SVIL: variants seen among roughly 807,000 people sequenced by gnomAD.
The protein encoded by SVIL is archvillin.
In SVIL, 101 loss-of-function variants were observed where a neutral mutation model predicts 240.4. The observed-to-expected ratio is 0.42, with a 90% CI of 0.36 to 0.50. SVIL has a LOEUF of 0.50. SVIL is among the 20% of genes least tolerant of loss of function. The probability of loss-of-function intolerance (pLI) is 0.01; values close to 1 mark genes in which losing one functional copy is unlikely to be tolerated. For synonymous variants in SVIL, 999 were observed against 1,100.0 expected (o/e 0.91, Z 1.82); for missense variants, 2,512 against 2,818.7 (o/e 0.89, Z 2.46).
chr10:29,651,939 A>C (rs931769176), intron 3 of SVIL, among the ~76,000 whole-genome samples: 22 of 152,060 alleles, frequency 1.4e-4, no homozygotes, highest in African/African-American at 5.1e-4. Context: ...TTAATTCCTC[A>C]CTTGTCCTCA....
At chr10:29,482,311 G>A (rs1946975157) in intron 27 of SVIL, among the ~76,000 whole-genome samples, 1 of 152,142 alleles carries the variant, frequency 6.6e-6, no homozygotes, top group Admixed American at 6.5e-5. Context: ...TGGGACTACA[G>A]GTGTGGGCCA....
At chr10:29,474,108 G>T in intron 29 of SVIL, 119 bp from the exon 30 acceptor site, 1 of 1,379,914 alleles carries the variant, frequency 7.2e-7, no homozygotes, top group South Asian at 1.4e-5. Context: ...TCGGACCTAG[G>T]GCAGGGGAGA....
rs7078977 is a variant in SVIL, at chr10:29,494,904, C to T, written c.3841+10G>A. 9,423 of 1,609,102 alleles carry T rather than the reference C, an allele frequency of 5.9e-3. 406 individuals carry two copies. The African/African-American group carries it at 0.11, about 19-fold the overall frequency. ...TCTGAGAGCAAAGCCTTCTGGCTTC[C>T]AGTAGGTACCTTTGTTATTCAGCCT... On this transcript the variant is annotated intron_variant, in intron 20 of 37. Transcript: ENST00000355867.
At chr10:29,566,978 T>C (rs1955025526) in intron 2 of SVIL, among the ~76,000 whole-genome samples, 1 of 152,246 alleles carries the variant, frequency 6.6e-6, no homozygotes, top group Admixed American at 6.5e-5. Flanking sequence ...TCTCCATAGA[T>C]ACTAAAGTTA....
chr10:29,589,712 G>A (rs1347741101), intron 1 of SVIL, among the ~76,000 whole-genome samples: 2 of 152,120 alleles, frequency 1.3e-5, no homozygotes, highest in Non-Finnish European at 2.9e-5. Flanking sequence ...TGGAACAGGG[G>A]GTCTGGAGTT....
At chr10:29,666,615 C>T (rs1351537857) in intron 2 of SVIL, among the ~76,000 whole-genome samples, 1 of 152,056 alleles carries the variant, frequency 6.6e-6, no homozygotes, top group Admixed American at 6.6e-5. Context: ...TTTACTACAC[C>T]CAAGAGAAAC....
chr10:29,581,107 T>C (rs61846650), intron 1 of SVIL, among the ~76,000 whole-genome samples: 15,983 of 152,302 alleles, frequency 0.1, 881 homozygotes, highest in Admixed American at 0.14. Flanking sequence ...TGATGATGGC[T>C]GGAGTGAAAT....
intron 33 of SVIL, among the ~76,000 whole-genome samples, chr10:29,466,263 A>G: frequency 6.6e-6 from 1 of 151,908 alleles, no homozygotes; most frequent in Non-Finnish European, 1.5e-5. Context: ...ATATACATAT[A>G]TTGTATTTTA....
At chr10:29,486,667 T>C in intron 24 of SVIL, 110 bp from the exon 25 acceptor site, 1 of 1,280,442 alleles carries the variant, frequency 7.8e-7, no homozygotes, top group South Asian at 1.4e-5. Flanking sequence ...GAAAGCCTTG[T>C]GACCACGGGT....
rs767008724 is a variant in SVIL at position 29,523,992 on chromosome 10, G to A, written c.2622C>T (p.Ala874=). 14 of 1,613,696 alleles carry A rather than the reference G, an allele frequency of 8.7e-6. No homozygotes were observed. The highest frequency in any genetic ancestry group is 5.3e-5 in the African/African-American group (4 of 74,892). ...QSGKLIPFSP[A]VNTSVSTVAS... ...CTACGGTAGACACTGATGTGTTCAC[G>A]GCAGGTGAGAAAGGAATGAGCTTTC... is the stretch of plus-strand genomic sequence containing the variant. Residue 874 remains alanine (A), a synonymous_variant, in exon 15 of 38, where the codon GCC becomes GCT. Coordinates refer to ENST00000355867, the MANE Select transcript of SVIL (RefSeq NM_021738.3).
At chr10:29,641,009 G>A (rs1448397930) in intron 3 of SVIL, among the ~76,000 whole-genome samples, 8 of 152,176 alleles carry the variant, frequency 5.3e-5, no homozygotes, top group Non-Finnish European at 4.4e-5. Context: ...ACCCATGGAA[G>A]CCCACATGGC....
intron 28 of SVIL, among the ~76,000 whole-genome samples, chr10:29,481,351 G>A (rs367966421): frequency 1.1e-4 from 16 of 152,036 alleles, no homozygotes; most frequent in African/African-American, 3.9e-4. Flanking sequence ...AAGTGACAGA[G>A]AGGAGGAATG....
intron 1 of SVIL, among the ~76,000 whole-genome samples, chr10:29,697,621 G>T (rs28576837): frequency 0.012 from 1,531 of 124,100 alleles, 313 homozygotes; most frequent in African/African-American, 0.052. Context: ...GAAGGCAGCA[G>T]GCTCCTTAAG....
At chr10:29,513,330 G>A (rs1375809976) in intron 16 of SVIL, among the ~76,000 whole-genome samples, 2 of 152,236 alleles carry the variant, frequency 1.3e-5, no homozygotes, top group African/African-American at 2.4e-5. Context: ...TAGCACTTTG[G>A]GAAGCTGAGG....
intron 14 of SVIL, 36 bp downstream of exon 14, chr10:29,524,436 C>A (rs1358477869): frequency 1.9e-6 from 3 of 1,610,416 alleles, no homozygotes; most frequent in African/African-American, 2.7e-5. Context: ...TAAGAACACA[C>A]ACACACAAAC....
chr10:29,471,051 CAG>C lies in SVIL; in HGVS notation c.5635+85_5635+86del, dbSNP rs1945519058. 1.2e-5 allele frequency: 15 copies of C among 1,239,154 alleles called. No individual in the cohort carries two copies. In the South Asian group the frequency reaches 1.8e-4, roughly 15 times the overall value. 76.8% of individuals were successfully genotyped at this position (1,239,154 alleles called of 1,614,324 possible). The stretch of plus-strand genomic sequence containing the variant: ...AGGTCGAGCCACAGCTAGATGAAGA[CAG>C]ACTCACTTTCAGCCCCCAGCTTATA... On this transcript the variant is annotated intron_variant, in intron 31 of 37. Transcript: ENST00000355867.
chr10:29,576,297 A>G (rs2132747437), intron 1 of SVIL, among the ~76,000 whole-genome samples: 1 of 152,222 alleles, frequency 6.6e-6, no homozygotes, highest in African/African-American at 2.4e-5. Flanking sequence ...TGCAAGAGGG[A>G]AAATTTACTT....
intron 1 of SVIL, among the ~76,000 whole-genome samples, chr10:29,575,843 G>A (rs1955671136): frequency 6.6e-6 from 1 of 152,106 alleles, no homozygotes; most frequent in Non-Finnish European, 1.5e-5. Flanking sequence ...ACCTAGGATT[G>A]ATTTTTTTAA....
At chr10:29,709,649 G>A (rs1169303148) in intron 1 of SVIL, among the ~76,000 whole-genome samples, 2 of 152,132 alleles carry the variant, frequency 1.3e-5, no homozygotes, top group African/African-American at 4.8e-5. Flanking sequence ...GCAGCCTGTG[G>A]AATACCCAGG....
Sources: gnomAD v4.1 joint callset for allele counts (sites outside exome capture counted in the v4.1 genomes callset) on GRCh38, gnomAD v4.1.1 for gene constraint, MANE v1.5 for transcripts, NCBI Gene and HGNC (gene_info 2026-07-23, HGNC 2026-07-21) for gene names.